Variants in CFAP54 observed in about 807,000 individuals in gnomAD.
The protein encoded by CFAP54 is cilia- and flagella-associated protein 54.
CFAP54 carries 290 observed loss-of-function variants against 370.4 expected under a neutral mutation model. The ratio of observed to expected loss-of-function variants is 0.78; its 90% confidence interval spans 0.71 to 0.86. CFAP54 has a LOEUF of 0.86. Among genes scored for constraint, CFAP54 ranks in the 40% least tolerant of loss-of-function variants. The pLI, the probability that CFAP54 is intolerant of heterozygous loss-of-function variation, is 0.00. For synonymous variants in CFAP54, 1,206 were observed against 1,236.5 expected (o/e 0.98, Z 0.52); for missense variants, 3,399 against 3,528.7 (o/e 0.96, Z 0.93).
intron 67 of CFAP54, among the ~76,000 whole-genome samples, chr12:96,862,795 C>G (rs943640842): frequency 2.0e-5 from 3 of 152,134 alleles, no homozygotes; most frequent in Non-Finnish European, 4.4e-5. Flanking sequence ...GTCCTTTGGT[C>G]TGAGGCTGGG....
chr12:96,742,345 C>A, intron 51 of CFAP54, 94 bp from the exon 52 acceptor site: 1 of 799,232 alleles, frequency 1.3e-6, no homozygotes, highest in South Asian at 1.8e-5. Context: ...TGGAATGATA[C>A]CAGATGCCTT....
intron 64 of CFAP54, among the ~76,000 whole-genome samples, chr12:96,815,493 G>GCTCTGTAGGTTGCCTGTTCA (rs1227601582): frequency 5.3e-5 from 8 of 151,970 alleles, no homozygotes; most frequent in African/African-American, 1.4e-4. Context: ...ATTTTCTCCC[G>GCTCTGTAGGTTGCCTGTTCA]CTCTGTAGGT....
At chr12:96,593,780 T>G (rs1309061352) in intron 24 of CFAP54, among the ~76,000 whole-genome samples, 1 of 152,028 alleles carries the variant, frequency 6.6e-6, no homozygotes, top group Non-Finnish European at 1.5e-5. Context: ...TGGCATTTAC[T>G]CTCAAAACCT....
At chr12:96,767,130 G>T (rs1256877310) in intron 60 of CFAP54, among the ~76,000 whole-genome samples, 1 of 152,232 alleles carries the variant, frequency 6.6e-6, no homozygotes, top group Non-Finnish European at 1.5e-5. Context: ...TCCAATATCA[G>T]TGAGCTAGGG....
chr12:96,833,410 C>G (rs1468999569), intron 66 of CFAP54, among the ~76,000 whole-genome samples: 1 of 152,028 alleles, frequency 6.6e-6, no homozygotes, highest in Non-Finnish European at 1.5e-5. Context: ...GCTGCAAAGG[C>G]AGTGTAGATT....
rs564749453 is a variant in CFAP54 at position 96,834,512 on chromosome 12, G to A, written c.9171+5424G>A. On this transcript the variant is annotated intron_variant, in intron 66 of 67. Transcript: ENST00000524981. ...CAGACATGCTGGCTGCTGCAGTGTG[G>A]CAGGCAGCTCTAGGTGCTGGCATGG... 3.3e-5 allele frequency among the ~76,000 whole-genome samples: 5 copies of A among 152,360 alleles called. No individual in the cohort carries two copies. The East Asian group carries it at 9.7e-4, about 29-fold the overall frequency.
intron 26 of CFAP54, among the ~76,000 whole-genome samples, chr12:96,604,941 G>A (rs1416953525): frequency 6.6e-6 from 1 of 152,214 alleles, no homozygotes; most frequent in Non-Finnish European, 1.5e-5. Flanking sequence ...TCTGGGTGAG[G>A]TGACGCCCTG....
Position 96,651,637 on chromosome 12 carries a change from G to A in CFAP54, c.4922G>A (p.Arg1641Gln), listed in dbSNP as rs141973450. 8 of 1,613,958 alleles carry A rather than the reference G, an allele frequency of 5.0e-6. No individual in the cohort carries two copies. Among genetic ancestry groups the A allele is most frequent in the East Asian group, 2.2e-5 (1 of 44,880 alleles). The change falls in exon 36 of 68, where the codon CGG becomes CAG. Residue 1641 changes from arginine (R) to glutamine (Q), a missense_variant. Transcript: ENST00000524981. ...TGGACTCTGCTTCAGAACTGCTGTC[G>A]GGCCTTATGGAACTTTACTCAGGAA... is the stretch of plus-strand genomic sequence containing the variant. ...GYWTLLQNCCRALWNFTQELQ... is the reference protein window; with the variant it reads ...GYWTLLQNCCQALWNFTQELQ...
chr12:96,623,736 G>T (rs1351741195), intron 27 of CFAP54, 31 bp from the exon 28 acceptor site: 1 of 1,139,950 alleles, frequency 8.8e-7, no homozygotes, highest in East Asian at 2.6e-5. Flanking sequence ...ACACGTTAAA[G>T]TACATTTTGA....
At chr12:96,812,040 C>A (rs926319190) in intron 64 of CFAP54, among the ~76,000 whole-genome samples, 198 bp downstream of exon 64, 2 of 152,150 alleles carry the variant, frequency 1.3e-5, no homozygotes. Context: ...CATTCAAATA[C>A]CAGTTGTGCC....
At chr12:96,825,606 T>C (rs1192378057) in intron 65 of CFAP54, among the ~76,000 whole-genome samples, 117 of 120,270 alleles carry the variant, frequency 9.7e-4, no homozygotes, top group Admixed American at 3.4e-3. Context: ...TATTTACATA[T>C]TATATATGAT....
Position 96,489,843 on chromosome 12 carries a change from G to T in CFAP54, c.234G>T (p.Glu78Asp), listed in dbSNP as rs1387163080. The T allele has an allele frequency of 1.3e-6, 2 of 1,536,048 alleles. No homozygotes were observed. The highest frequency in any genetic ancestry group is 1.4e-5 in the African/African-American group (1 of 73,062). ...KNPLLASCEK[E>D]IQELLGFMRK... ...CGCTCCTGGCCTCTTGTGAGAAGGA[G>T]ATCCAGGAGTTGTTAGGCTTTATGA... is the stretch of plus-strand genomic sequence containing the variant. The change falls in exon 1 of 68, where the codon GAG (glutamate) becomes GAT (aspartate). Residue 78 changes from glutamate (E) to aspartate (D), a missense_variant. Glu to Asp is a conservative substitution (Grantham distance 45). Around this residue, in one of 3 missense-constraint regions of CFAP54, gnomAD observed 559 missense variants for 576.7 expected, o/e 0.97. Coordinates refer to ENST00000524981, the MANE Select transcript of CFAP54 (RefSeq NM_001306084.2).
Position 96,594,273 on chromosome 12 carries a change from A to G in CFAP54, c.3361-18A>G, listed in dbSNP as rs1262720346. ...GCACCTATGTTCAATCTGAGTAACA[A>G]TGCCTGTTTCTTTACAGATTGCCAG... On this transcript the variant is annotated intron_variant, in intron 24 of 67. Coordinates refer to ENST00000524981, the MANE Select transcript of CFAP54 (RefSeq NM_001306084.2). The G allele has an allele frequency of 1.3e-6, 2 of 1,493,422 alleles. No individual in the cohort carries two copies. The highest frequency in any genetic ancestry group is 1.3e-5 in the South Asian group (1 of 76,864). 92.5% of individuals were successfully genotyped at this position (1,493,422 alleles called of 1,614,324 possible).
At chr12:96,727,923 C>T (rs1957863581) in intron 50 of CFAP54, among the ~76,000 whole-genome samples, 1 of 151,494 alleles carries the variant, frequency 6.6e-6, no homozygotes, top group Non-Finnish European at 1.5e-5. Context: ...TTTTATTTCT[C>T]CTTCACTTAT....
At position 96,508,965 on chromosome 12, in the gene CFAP54, TC is replaced by T. The variant is rs141302339; in HGVS notation, c.739+1867del. On this transcript the variant is annotated intron_variant, in intron 4 of 67. Coordinates refer to ENST00000524981, the MANE Select transcript of CFAP54 (RefSeq NM_001306084.2). Reference sequence around the variant, plus strand: ...GTGCCTAGGAGTGGAATTACTGGGTTCTGGGAGATACACATACTTAGTTTCA... The same window carrying T: ...GTGCCTAGGAGTGGAATTACTGGGTTTGGGAGATACACATACTTAGTTTCA... Among the ~76,000 whole-genome samples, 998 of 152,260 alleles carry T rather than the reference TC, an allele frequency of 6.6e-3. 5 individuals are homozygous for T. Among genetic ancestry groups the T allele is most frequent in the Middle Eastern group, 0.02 (6 of 294 alleles).
In CFAP54 at chr12:96,519,021, A is replaced by G. The variant is rs958611961; in HGVS notation, c.892A>G (p.Thr298Ala). 7.2e-6 allele frequency: 11 copies of G among 1,535,422 alleles called. No homozygotes were observed. Among genetic ancestry groups the G allele is most frequent in the Non-Finnish European group, 9.6e-6 (11 of 1,146,822 alleles). The change falls in exon 6 of 68, where the codon ACA becomes GCA. Residue 298 changes from threonine to alanine, a missense_variant. Thr to Ala is a moderately conservative substitution (Grantham distance 58). This residue lies in a region of CFAP54 where 559 missense variants were observed against 576.7 expected (regional missense o/e 0.97). Coordinates refer to ENST00000524981, the MANE Select transcript of CFAP54 (RefSeq NM_001306084.2). ...CTTGACATGGCGCGCTACTCTCTAC[A>G]CAGCTGTTTGCCAGTGCTGCTATGA... ...RYLTWRATLY[T>A]AVCQCCYDCH...
At chr12:96,718,953 G>A (rs963550629) in intron 49 of CFAP54, among the ~76,000 whole-genome samples, 3 of 151,910 alleles carry the variant, frequency 2.0e-5, no homozygotes, top group East Asian at 1.9e-4. Flanking sequence ...CAGGAGAATC[G>A]CTTGAACCCA....
intron 46 of CFAP54, 70 bp downstream of exon 46, chr12:96,700,163 A>T: frequency 1.4e-6 from 2 of 1,460,800 alleles, no homozygotes; most frequent in South Asian, 1.3e-5. Context: ...TGTAAGGAAC[A>T]TTCCCACGAA....
chr12:96,550,024 T>A (rs549379046), intron 15 of CFAP54, among the ~76,000 whole-genome samples: 1 of 152,316 alleles, frequency 6.6e-6, no homozygotes, highest in Non-Finnish European at 1.5e-5. Context: ...TATTTCAAAG[T>A]TTTACTGAAC....
Sources: allele counts gnomAD v4.1 joint callset (sites outside exome capture counted in the v4.1 genomes callset), GRCh38; gene constraint gnomAD v4.1.1; regional missense constraint gnomAD v4.1.1; transcripts MANE v1.5; gene names NCBI Gene and HGNC (gene_info 2026-07-23, HGNC 2026-07-21).